IFT56: variants seen among roughly 807,000 people sequenced by gnomAD.
IFT56 encodes the protein intraflagellar transport 56.
the IFT56 span, among the ~76,000 whole-genome samples, chr7:139,182,782 G>A: frequency 6.6e-6 from 1 of 151,822 alleles, no homozygotes; most frequent in Non-Finnish European, 1.5e-5. Flanking sequence ...CAGAAGAGAA[G>A]GAAAACAATG....
the IFT56 span, among the ~76,000 whole-genome samples, chr7:139,176,020 T>C: frequency 6.6e-6 from 1 of 152,136 alleles, no homozygotes; most frequent in Non-Finnish European, 1.5e-5. Context: ...GGTTTCACCA[T>C]GTTGGCCAGG....
the IFT56 span, among the ~76,000 whole-genome samples, chr7:139,188,900 C>T: frequency 1.1e-4 from 16 of 152,196 alleles, no homozygotes; most frequent in Non-Finnish European, 1.3e-4. Flanking sequence ...TGGTTACCAC[C>T]TTAAACAAGG....
chr7:139,173,853 A>G, the IFT56 span: 28 of 709,622 alleles, frequency 3.9e-5, no homozygotes, highest in Middle Eastern at 4.9e-4. Context: ...AGGTATTTCT[A>G]TAGTTACTGT....
chr7:139,187,442 G>T, the IFT56 span: 1 of 1,614,120 alleles, frequency 6.2e-7, no homozygotes, highest in East Asian at 2.2e-5. Flanking sequence ...AGCTTTTGAT[G>T]TCCTTGAGAG....
the IFT56 span, among the ~76,000 whole-genome samples, chr7:139,157,487 T>A: frequency 6.7e-6 from 1 of 149,554 alleles, no homozygotes; most frequent in Non-Finnish European, 1.5e-5. Context: ...TGCTTTTTTT[T>A]GTATTGGATT....
chr7:139,137,254 T>G, the IFT56 span, among the ~76,000 whole-genome samples: 2 of 152,236 alleles, frequency 1.3e-5, no homozygotes, highest in Non-Finnish European at 2.9e-5. Flanking sequence ...TTGTTCACAA[T>G]GGACATAAGT....
the IFT56 span, among the ~76,000 whole-genome samples, chr7:139,152,697 A>G: frequency 6.6e-6 from 1 of 152,234 alleles, no homozygotes; most frequent in South Asian, 2.1e-4. Flanking sequence ...GATGACCTAC[A>G]TCTTTAATTT....
the IFT56 span, among the ~76,000 whole-genome samples, chr7:139,170,939 A>G: frequency 6.6e-6 from 1 of 152,224 alleles, no homozygotes; most frequent in Non-Finnish European, 1.5e-5. Flanking sequence ...ATGATCTTAT[A>G]TTTGGAAAAA....
chr7:139,168,826 ATCTTAATACAGCGT>A, the IFT56 span, among the ~76,000 whole-genome samples: 1 of 152,126 alleles, frequency 6.6e-6, no homozygotes, highest in Non-Finnish European at 1.5e-5. Context: ...GCTCTTATCC[ATCTTAATACAGCGT>A]TCTTTGTTCT....
the IFT56 span, among the ~76,000 whole-genome samples, chr7:139,185,392 C>G: frequency 6.6e-6 from 1 of 152,014 alleles, no homozygotes; most frequent in African/African-American, 2.4e-5. Flanking sequence ...GAAAGGTACA[C>G]ATGACCTCTG....
chr7:139,145,154 CCT>C, the IFT56 span, among the ~76,000 whole-genome samples: 3 of 152,136 alleles, frequency 2.0e-5, no homozygotes, highest in Non-Finnish European at 4.4e-5. Flanking sequence ...TTCCATTTTA[CCT>C]CTGTTTCTAG....
the IFT56 span, among the ~76,000 whole-genome samples, chr7:139,135,980 A>G: frequency 6.6e-6 from 1 of 151,406 alleles, no homozygotes. Context: ...CTAGAGTGCA[A>G]TGGCGCAATC....
the IFT56 span, chr7:139,147,398 A>G: frequency 2.2e-6 from 2 of 915,196 alleles, no homozygotes; most frequent in Non-Finnish European, 3.2e-6. Context: ...TATGTGTTCA[A>G]ATCTGTTTAG....
the IFT56 span, among the ~76,000 whole-genome samples, chr7:139,156,408 G>A: frequency 4.7e-4 from 70 of 150,448 alleles, no homozygotes; most frequent in Non-Finnish European, 7.8e-4. Flanking sequence ...TTACAGTTAG[G>A]TTATTAATTT....
At chr7:139,178,235 G>T in the IFT56 span, 2 of 1,613,952 alleles carry the variant, frequency 1.2e-6, no homozygotes, top group Non-Finnish European at 1.7e-6. Flanking sequence ...GGGAGGCAGT[G>T]CATGGCTTCC....
chr7:139,140,847 T>C, the IFT56 span, among the ~76,000 whole-genome samples: 1 of 148,274 alleles, frequency 6.7e-6, no homozygotes, highest in Admixed American at 6.7e-5. Context: ...GCAGAGAAAG[T>C]GGGCACTGTA....
chr7:139,191,786 T>A, the IFT56 span: 2 of 152,174 alleles, frequency 1.3e-5, no homozygotes, highest in Admixed American at 1.3e-4. Context: ...TTCTTACATG[T>A]GATGATGGAG....
the IFT56 span, chr7:139,173,581 G>A: frequency 1.2e-6 from 1 of 819,380 alleles, no homozygotes; most frequent in Non-Finnish European, 2.2e-6. Context: ...AAACCAACAG[G>A]AGAGTGTAAT....
chr7:139,161,492 G>A, the IFT56 span: 1 of 154,008 alleles, frequency 6.5e-6, no homozygotes, highest in Admixed American at 6.5e-5. Context: ...TGGATGGGTG[G>A]TTGGGTTTAG....
Sources: gnomAD v4.1 joint callset for allele counts (sites outside exome capture counted in the v4.1 genomes callset) on GRCh38, gnomAD v4.1.1 for gene constraint, MANE v1.5 for transcripts, NCBI Gene and HGNC (gene_info 2026-07-23, HGNC 2026-07-21) for gene names.